Variants in ENOX1 observed in about 807,000 individuals in gnomAD.
ENOX1 encodes the protein candidate growth-related and time keeping constitutive hydroquinone (NADH) oxidase.
A neutral mutation model predicts 82.5 loss-of-function variants in ENOX1; 42 were observed. That is an observed-to-expected ratio of 0.51 (90% CI 0.40 to 0.66). ENOX1 has a LOEUF of 0.66. Among genes scored for constraint, ENOX1 ranks in the 30% least tolerant of loss-of-function variants. ENOX1 has a pLI of 0.00. For synonymous variants in ENOX1, 271 were observed against 282.2 expected (o/e 0.96, Z 0.40); for missense variants, 608 against 811.6 (o/e 0.75, Z 3.05).
intron 1 of ENOX1, among the ~76,000 whole-genome samples, chr13:43,675,065 C>T (rs1285302448): frequency 6.6e-6 from 1 of 152,112 alleles, no homozygotes. Context: ...TCTAAAAGCA[C>T]CAAGAAGCCA....
chr13:43,612,083 T>G (rs2153738625), intron 2 of ENOX1, among the ~76,000 whole-genome samples: 1 of 152,276 alleles, frequency 6.6e-6, no homozygotes, highest in South Asian at 2.1e-4. Context: ...TCCTGGTAAT[T>G]TGTTTTGTGG....
intron 11 of ENOX1, among the ~76,000 whole-genome samples, chr13:43,307,855 G>A (rs1165047910): frequency 6.6e-6 from 1 of 152,222 alleles, no homozygotes; most frequent in African/African-American, 2.4e-5. Flanking sequence ...GCAGGCTTGT[G>A]GCTTGCACCC....
Position 43,339,870 on chromosome 13 carries a change from A to G in ENOX1, c.1036+4668T>C, listed in dbSNP as rs114605449. 9.8e-3 allele frequency among the ~76,000 whole-genome samples: 1,490 copies of G among 152,354 alleles called. 22 individuals are homozygous for G. The highest frequency in any genetic ancestry group is 0.034 in the African/African-American group (1,429 of 41,580). ...AAATGTGATTCCTGTGGTATTTGCC[A>G]GGAATATTAATGCAGACAAATGGGG... is the stretch of plus-strand genomic sequence containing the variant. On this transcript the variant is annotated intron_variant, in intron 9 of 16. Transcript: ENST00000690772.
At chr13:43,311,745 G>A (rs951938456) in intron 11 of ENOX1, among the ~76,000 whole-genome samples, 13 of 152,254 alleles carry the variant, frequency 8.5e-5, no homozygotes, top group African/African-American at 3.1e-4. Context: ...CCTTAATCTG[G>A]CACTGTAAAG....
intron 2 of ENOX1, among the ~76,000 whole-genome samples, chr13:43,658,086 T>C (rs566963203): frequency 2.0e-4 from 30 of 152,184 alleles, no homozygotes; most frequent in Non-Finnish European, 3.2e-4. Context: ...CATTAAGATA[T>C]TGATCAAGAA....
chr13:43,587,890 T>C (rs943515379), intron 2 of ENOX1, among the ~76,000 whole-genome samples: 3 of 152,066 alleles, frequency 2.0e-5, no homozygotes, highest in Non-Finnish European at 4.4e-5. Context: ...AGATAAACCA[T>C]GTGGAAATAG....
chr13:43,327,028 T>C (rs899025348), intron 9 of ENOX1, among the ~76,000 whole-genome samples: 10 of 152,186 alleles, frequency 6.6e-5, no homozygotes, highest in South Asian at 2.1e-4. Flanking sequence ...AAGTTCCAAA[T>C]TGGGACAATG....
At chr13:43,657,761 A>G (rs2084512995) in intron 2 of ENOX1, among the ~76,000 whole-genome samples, 1 of 152,220 alleles carries the variant, frequency 6.6e-6, no homozygotes, top group African/African-American at 2.4e-5. Flanking sequence ...AGTTGAGTCA[A>G]ATATCGTCTT....
intron 3 of ENOX1, among the ~76,000 whole-genome samples, chr13:43,455,833 C>T (rs1350078263): frequency 6.6e-6 from 1 of 152,200 alleles, no homozygotes; most frequent in African/African-American, 2.4e-5. Context: ...GCTTCTCATT[C>T]TGTCTTTGCC....
chr13:43,510,981 C>A (rs1434323817), intron 2 of ENOX1, among the ~76,000 whole-genome samples: 1 of 152,106 alleles, frequency 6.6e-6, no homozygotes, highest in African/African-American at 2.4e-5. Flanking sequence ...ATACTGCGAA[C>A]TTTTTCTACT....
At chr13:43,376,233 T>C (rs1181630924) in intron 5 of ENOX1, among the ~76,000 whole-genome samples, 2 of 152,126 alleles carry the variant, frequency 1.3e-5, no homozygotes, top group African/African-American at 2.4e-5. Flanking sequence ...TATCAGAGAG[T>C]GATGGGACAG....
chr13:43,549,441 C>T (rs1345219610), intron 2 of ENOX1, among the ~76,000 whole-genome samples: 1 of 152,200 alleles, frequency 6.6e-6, no homozygotes, highest in Non-Finnish European at 1.5e-5. Context: ...GCACAAGTCC[C>T]TCTATTCAAC....
chr13:43,519,915 T>G (rs536061431), intron 2 of ENOX1, among the ~76,000 whole-genome samples: 1 of 152,224 alleles, frequency 6.6e-6, no homozygotes, highest in Non-Finnish European at 1.5e-5. Context: ...TGCAGTGGGT[T>G]TAGTGTCCCT....
intron 9 of ENOX1, among the ~76,000 whole-genome samples, chr13:43,338,626 C>T (rs564414652): frequency 1.3e-5 from 2 of 150,480 alleles, no homozygotes; most frequent in Admixed American, 6.6e-5. Context: ...AGAGAAAAAT[C>T]GCCCTACACA....
intron 3 of ENOX1, among the ~76,000 whole-genome samples, chr13:43,466,688 T>G (rs1039873111): frequency 1.3e-5 from 2 of 152,190 alleles, no homozygotes; most frequent in Admixed American, 6.5e-5. Flanking sequence ...AGGTGTACAG[T>G]TCAATGCTTT....
intron 2 of ENOX1, among the ~76,000 whole-genome samples, chr13:43,604,646 T>C (rs2081898471): frequency 6.6e-6 from 1 of 152,204 alleles, no homozygotes; most frequent in Admixed American, 6.5e-5. Flanking sequence ...TATGTTGAAC[T>C]ATCTTTACAT....
intron 16 of ENOX1, among the ~76,000 whole-genome samples, chr13:43,221,528 C>A (rs1368273693): frequency 6.6e-6 from 1 of 152,164 alleles, no homozygotes; most frequent in Non-Finnish European, 1.5e-5. Flanking sequence ...CCAACCCGGA[C>A]CCTGTTTTCC....
intron 2 of ENOX1, among the ~76,000 whole-genome samples, chr13:43,510,574 A>T (rs1268997467): frequency 6.6e-6 from 1 of 152,080 alleles, no homozygotes; most frequent in Non-Finnish European, 1.5e-5. Context: ...CCCGCTCCTA[A>T]AGGCTCTGAC....
intron 1 of ENOX1, among the ~76,000 whole-genome samples, chr13:43,729,123 A>G (rs2089170872): frequency 6.6e-6 from 1 of 152,234 alleles, no homozygotes; most frequent in South Asian, 2.1e-4. Flanking sequence ...TCATTCAGTG[A>G]GAAAGTGGCA....
Sources: gnomAD v4.1 joint callset for allele counts (sites outside exome capture counted in the v4.1 genomes callset) on GRCh38, gnomAD v4.1.1 for gene constraint, MANE v1.5 for transcripts, NCBI Gene and HGNC (gene_info 2026-07-23, HGNC 2026-07-21) for gene names.